Variants in ALDH1L1 observed in about 807,000 individuals in gnomAD.
The protein encoded by ALDH1L1 is cytosolic 10-formyltetrahydrofolate dehydrogenase.
In ALDH1L1, 68 loss-of-function variants were observed where a neutral mutation model predicts 101.1. The observed-to-expected ratio is 0.67, with a 90% CI of 0.55 to 0.82. ALDH1L1 has a LOEUF of 0.82. Among genes scored for constraint, ALDH1L1 ranks in the 40% least tolerant of loss-of-function variants. ALDH1L1 has a pLI of 0.00. For missense variants in ALDH1L1, 1,087 were observed against 1,172.7 expected (o/e 0.93, Z 1.07); for synonymous variants, 486 against 470.8 (o/e 1.03, Z -0.42).
chr3:126,164,212 T>C (rs1333357444), intron 1 of ALDH1L1, among the ~76,000 whole-genome samples: 1 of 152,156 alleles, frequency 6.6e-6, no homozygotes, highest in African/African-American at 2.4e-5. Context: ...TATTGATGTG[T>C]CAAATACTTC....
chr3:126,171,892 A>G (rs2081283995), intron 1 of ALDH1L1, among the ~76,000 whole-genome samples: 1 of 152,086 alleles, frequency 6.6e-6, no homozygotes, highest in African/African-American at 2.4e-5. Context: ...CCCCCCACCA[A>G]AACACCTTGC....
At position 126,135,594 on chromosome 3, in the gene ALDH1L1, G is replaced by A; in HGVS notation, c.1413C>T (p.Ala471=). 6.3e-7 allele frequency: 1 copy of A among 1,598,978 alleles called. No individual in the cohort carries two copies. The highest frequency in any genetic ancestry group is 2.3e-5 in the East Asian group (1 of 43,128). Residue 471 remains alanine, a synonymous_variant, in exon 12 of 23, where the codon GCC becomes GCT. Transcript: ENST00000393434. ...VDKAVAAAKD[A]FENGRWGKIS... is the part of the protein sequence containing the mutation. ...TCTTCCCCCACCGTCCATTCTCAAAGGCATCCTTGGCTGCGGCCACTGCCT... is the reference window on the plus strand; with the variant it reads ...TCTTCCCCCACCGTCCATTCTCAAAAGCATCCTTGGCTGCGGCCACTGCCT...
At chr3:126,176,419 C>A (rs76049499) in intron 1 of ALDH1L1, among the ~76,000 whole-genome samples, 1 of 152,136 alleles carries the variant, frequency 6.6e-6, no homozygotes, top group East Asian at 1.9e-4. Context: ...TACTGCCTGT[C>A]CCCAAGACTT....
intron 17 of ALDH1L1, 80 bp from the exon 18 acceptor site, chr3:126,114,736 G>A (rs747998351): frequency 2.2e-6 from 3 of 1,333,360 alleles, no homozygotes; most frequent in Non-Finnish European, 3.2e-6. Context: ...CAGGGACCTG[G>A]GTAGGCCCAA....
At chr3:126,190,552 TTAAG>T (rs1231186251) in intron 1 of ALDH1L1, among the ~76,000 whole-genome samples, 1 of 152,226 alleles carries the variant, frequency 6.6e-6, no homozygotes, top group African/African-American at 2.4e-5. Flanking sequence ...GCACTGTTTA[TTAAG>T]TAAGTCATCA....
chr3:126,125,054 G>A (rs1299973914), intron 15 of ALDH1L1, among the ~76,000 whole-genome samples: 2 of 152,174 alleles, frequency 1.3e-5, no homozygotes, highest in African/African-American at 2.4e-5. Context: ...TGGAGAAACT[G>A]AGGCTCACTG....
At chr3:126,114,460 G>C in intron 18 of ALDH1L1, 97 bp downstream of exon 18, 1 of 989,228 alleles carries the variant, frequency 1.0e-6, no homozygotes, top group East Asian at 2.7e-5. Context: ...AGGGCTACAC[G>C]TGTGAGTGTG....
chr3:126,155,517 G>A lies in ALDH1L1; in HGVS notation c.529-14C>T. On this transcript the variant is annotated splice_polypyrimidine_tract_variant and intron_variant, in intron 4 of 22. Coordinates refer to ENST00000393434, the MANE Select transcript of ALDH1L1 (RefSeq NM_012190.4). ...CACGGCCTGCACCTGGGGAGATCCAGTGGGTTGCTATCCCCAGCAATAGGA... is the reference window on the plus strand; with the variant it reads ...CACGGCCTGCACCTGGGGAGATCCAATGGGTTGCTATCCCCAGCAATAGGA... 6.2e-7 allele frequency: 1 copy of A among 1,603,918 alleles called. No homozygotes were observed. The highest frequency in any genetic ancestry group is 8.5e-7 in the Non-Finnish European group (1 of 1,175,518).
At chr3:126,187,300 G>C (rs576798514) in intron 1 of ALDH1L1, among the ~76,000 whole-genome samples, 1 of 152,034 alleles carries the variant, frequency 6.6e-6, no homozygotes, top group Non-Finnish European at 1.5e-5. Flanking sequence ...TTCCGAGGTG[G>C]CTTGAACAGC....
At chr3:126,179,903 G>C (rs1055092151) in intron 1 of ALDH1L1, 1 of 152,182 alleles carries the variant, frequency 6.6e-6, no homozygotes, top group Non-Finnish European at 1.5e-5. Flanking sequence ...ACGCGCGACC[G>C]TCCACTTGAG....
intron 1 of ALDH1L1, among the ~76,000 whole-genome samples, chr3:126,161,803 T>C (rs2081059499): frequency 6.6e-6 from 1 of 152,166 alleles, no homozygotes; most frequent in African/African-American, 2.4e-5. Flanking sequence ...GCTCAATGAA[T>C]TTCACAAACC....
Position 126,176,396 on chromosome 3 carries a change from G to A in ALDH1L1, c.-24+4080C>T, listed in dbSNP as rs184378453. Among the ~76,000 whole-genome samples the A allele has an allele frequency of 1.7e-3, 253 of 152,258 alleles. 1 individual carries two copies. The highest frequency in any genetic ancestry group is 1.9e-3 in the Non-Finnish European group (132 of 67,992). ...CAACACAATATTGAAGGAGAACGAA[G>A]TTAGAGGACCGATACTGCCTGTCCC... On this transcript the variant is annotated intron_variant, in intron 1 of 22. Transcript: ENST00000393434.
At chr3:126,156,519 CA>C (rs2080908224) in intron 4 of ALDH1L1, 1 of 152,474 alleles carries the variant, frequency 6.6e-6, no homozygotes, top group African/African-American at 2.4e-5. Flanking sequence ...CATGCCTGGA[CA>C]GCACCTCTGC....
chr3:126,106,205 G>A (rs1261386993), intron 21 of ALDH1L1, among the ~76,000 whole-genome samples: 2 of 152,176 alleles, frequency 1.3e-5, no homozygotes, highest in East Asian at 3.9e-4. Context: ...GGGCCGCTGG[G>A]TCCTCACATG....
At chr3:126,131,958 A>G (rs2080317677) in intron 12 of ALDH1L1, among the ~76,000 whole-genome samples, 1 of 152,252 alleles carries the variant, frequency 6.6e-6, no homozygotes, top group Admixed American at 6.5e-5. Flanking sequence ...CCAACTGTTC[A>G]GTCCAGGATG....
intron 12 of ALDH1L1, among the ~76,000 whole-genome samples, chr3:126,133,510 T>C (rs2080357060): frequency 6.6e-6 from 1 of 152,232 alleles, no homozygotes; most frequent in African/African-American, 2.4e-5. Context: ...ATTCCACCTG[T>C]GTGTGACATG....
chr3:126,157,631 C>T, intron 3 of ALDH1L1, 123 bp from the exon 4 acceptor site: 1 of 1,074,102 alleles, frequency 9.3e-7, no homozygotes. Context: ...AGGACTGACA[C>T]CGGCTCCGGC....
chr3:126,159,148 G>A (rs184561642), intron 2 of ALDH1L1, among the ~76,000 whole-genome samples: 13 of 152,206 alleles, frequency 8.5e-5, no homozygotes, highest in East Asian at 3.9e-4. Context: ...AGTCACAGTC[G>A]TTCCTTCTCA....
At chr3:126,172,032 G>T (rs2081286676) in intron 1 of ALDH1L1, among the ~76,000 whole-genome samples, 1 of 152,138 alleles carries the variant, frequency 6.6e-6, no homozygotes, top group African/African-American at 2.4e-5. Context: ...AGAAGATGAA[G>T]AGAGAAAATT....
Sources: allele counts gnomAD v4.1 joint callset (sites outside exome capture counted in the v4.1 genomes callset), GRCh38; gene constraint gnomAD v4.1.1; transcripts MANE v1.5; gene names NCBI Gene and HGNC (gene_info 2026-07-23, HGNC 2026-07-21).